Variants in B4GALT6 observed in about 807,000 individuals in gnomAD.
The protein encoded by B4GALT6 is UDP-Gal:beta-GlcNAc beta-1,4-galactosyltransferase 6.
B4GALT6 carries 14 observed loss-of-function variants against 46.3 expected under a neutral mutation model. The observed-to-expected ratio is 0.30, with a 90% confidence interval of 0.20 to 0.47. B4GALT6 has a LOEUF of 0.47. B4GALT6 is among the 20% of genes least tolerant of loss of function. The pLI, the probability that B4GALT6 is intolerant of heterozygous loss-of-function variation, is 0.99. For synonymous variants in B4GALT6, 168 were observed against 162.0 expected (o/e 1.04, Z -0.28); for missense variants, 386 against 480.1 (o/e 0.80, Z 1.83).
intron 6 of B4GALT6, 67 bp from the exon 7 acceptor site, chr18:31,627,188 T>C (rs959481962): frequency 2.6e-5 from 39 of 1,475,998 alleles, no homozygotes; most frequent in Non-Finnish European, 3.2e-5. Flanking sequence ...AATGAAGGTT[T>C]CAGCCTTTTA....
rs748607204 is a variant in B4GALT6 at position 31,626,376 on chromosome 18, T to C, written c.908A>G (p.Tyr303Cys). The C allele has an allele frequency of 1.9e-6, 3 of 1,558,990 alleles. No homozygotes were observed. Among genetic ancestry groups the C allele is most frequent in the Non-Finnish European group, 2.6e-6 (3 of 1,134,578 alleles). ...TGGTCTGGTTACATTATATCCAGCA[T>C]AGTGAACTCTACAATGCCATATATG... ...EDDDLWNRVH[Y>C]AGYNVTRPEG... Residue 303 changes from tyrosine (Y) to cysteine (C), a missense_variant, in exon 8 of 9, where the codon TAT becomes TGT. Transcript: ENST00000306851.
upstream of B4GALT6, among the ~76,000 whole-genome samples, chr18:31,684,938 C>T (rs1598941477): frequency 6.7e-6 from 1 of 148,818 alleles, no homozygotes. Context: ...GGCCCTGCGC[C>T]GCCTCCTACT....
At chr18:31,684,693 GC>G, upstream of B4GALT6, 1 of 821,954 alleles carries the variant, frequency 1.2e-6, no homozygotes, top group Non-Finnish European at 1.5e-6. Flanking sequence ...GGGGCTAGGG[GC>G]CCGGGGACGG....
chr18:31,684,630 G>A (rs2074521997), upstream of B4GALT6: 1 of 1,270,842 alleles, frequency 7.9e-7, no homozygotes, highest in Non-Finnish European at 1.0e-6. Context: ...AGAGTCGGGG[G>A]AGGGGAGGCG....
chr18:31,639,183 G>A (rs1287478152), intron 4 of B4GALT6, among the ~76,000 whole-genome samples: 3 of 152,230 alleles, frequency 2.0e-5, no homozygotes, highest in South Asian at 2.1e-4. Context: ...GAGGATAAAG[G>A]AGAAGAGAAG....
chr18:31,647,752 T>C (rs2074008977), intron 3 of B4GALT6, among the ~76,000 whole-genome samples: 1 of 151,712 alleles, frequency 6.6e-6, no homozygotes, highest in Non-Finnish European at 1.5e-5. Context: ...ATCCTGTACA[T>C]AGGAAGGGAA....
intron 4 of B4GALT6, among the ~76,000 whole-genome samples, chr18:31,641,182 G>A (rs1323443835): frequency 6.6e-6 from 1 of 152,208 alleles, no homozygotes; most frequent in African/African-American, 2.4e-5. Context: ...ACTGAGTGAT[G>A]AGCTGAACAT....
chr18:31,636,018 T>G lies in B4GALT6; in HGVS notation c.588+2626A>C, dbSNP rs866018548. On this transcript the variant is annotated intron_variant, in intron 5 of 8. Coordinates refer to ENST00000306851, the MANE Select transcript of B4GALT6 (RefSeq NM_004775.5). Reference sequence around the variant, plus strand: ...GAGACCAGAAAAAGACCTGCATACATATGACGTGTATATATTAAGTGATTT... The same window carrying G: ...GAGACCAGAAAAAGACCTGCATACAGATGACGTGTATATATTAAGTGATTT... Among the ~76,000 whole-genome samples, 6 of 152,278 alleles carry G rather than the reference T, an allele frequency of 3.9e-5. No individual in the cohort carries two copies. In the South Asian group the frequency reaches 1.2e-3, roughly 32 times the overall value.
the B4GALT6 span, among the ~76,000 whole-genome samples, chr18:31,722,478 G>A: frequency 9.9e-5 from 15 of 152,166 alleles, no homozygotes; most frequent in Admixed American, 4.6e-4. Flanking sequence ...ATAAGGAAAG[G>A]ATGCAGAATC....
At chr18:31,672,751 A>G (rs899067222) in intron 1 of B4GALT6, among the ~76,000 whole-genome samples, 1 of 152,212 alleles carries the variant, frequency 6.6e-6, no homozygotes, top group Middle Eastern at 3.2e-3. Context: ...TGAAGCATGG[A>G]GTTGCATAAC....
chr18:31,670,433 A>AT (rs2074337709), intron 1 of B4GALT6, among the ~76,000 whole-genome samples: 1 of 151,762 alleles, frequency 6.6e-6, no homozygotes, highest in Non-Finnish European at 1.5e-5. Context: ...CATTAGATGA[A>AT]GACCAAAATT....
intron 1 of B4GALT6, among the ~76,000 whole-genome samples, chr18:31,682,773 AC>A (rs1366778726): frequency 2.0e-5 from 3 of 152,228 alleles, no homozygotes; most frequent in East Asian, 1.9e-4. Context: ...TAGTAAAAAA[AC>A]ATACCCCAAA....
In B4GALT6 at chr18:31,623,868, T is replaced by C. The variant is rs1053850991; in HGVS notation, c.*1746A>G. 4 of 151,984 alleles carry C rather than the reference T, an allele frequency of 2.6e-5. No individual in the cohort carries two copies. Among genetic ancestry groups the C allele is most frequent in the Non-Finnish European group, 2.9e-5 (2 of 67,842 alleles). The allele number at this position is 151,984 out of a possible 1,614,324, so 9.4% of individuals were successfully genotyped here. A position where few individuals can be genotyped will look rare whatever the true frequency, so the allele number is the denominator to read the frequency against. On this transcript the variant is annotated 3_prime_UTR_variant, in exon 9 of 9. Coordinates refer to ENST00000306851, the MANE Select transcript of B4GALT6 (RefSeq NM_004775.5). Reference sequence around the variant, plus strand: ...AATAAAACTTACAATCTGAGATAAATAACCATAGTTCTGTTTTAGGTAAAC... The same window carrying C: ...AATAAAACTTACAATCTGAGATAAACAACCATAGTTCTGTTTTAGGTAAAC...
Position 31,653,894 on chromosome 18 carries a change from G to A in B4GALT6, c.346+4082C>T, listed in dbSNP as rs754315897. ...CACAGCGGCTGTTCATCAATGACTT[G>A]TTGACTCTAAAATGGCTCCCATCTC... On this transcript the variant is annotated intron_variant, in intron 3 of 8. Coordinates refer to ENST00000306851, the MANE Select transcript of B4GALT6 (RefSeq NM_004775.5). Among the ~76,000 whole-genome samples, 3 of 151,732 alleles carry A rather than the reference G, an allele frequency of 2.0e-5. No homozygotes were observed. In the East Asian group the frequency reaches 5.8e-4, roughly 29 times the overall value.
At chr18:31,663,098 G>A (rs1490991414) in intron 2 of B4GALT6, among the ~76,000 whole-genome samples, 2 of 152,094 alleles carry the variant, frequency 1.3e-5, no homozygotes, top group African/African-American at 4.8e-5. Context: ...CCAAAGAAAA[G>A]GCAAACAAAG....
chr18:31,678,156 T>G (rs2074436519), intron 1 of B4GALT6, among the ~76,000 whole-genome samples: 1 of 152,136 alleles, frequency 6.6e-6, no homozygotes, highest in Non-Finnish European at 1.5e-5. Flanking sequence ...TGAGTAACAG[T>G]GTTTAAGGGA....
intron 4 of B4GALT6, among the ~76,000 whole-genome samples, chr18:31,641,058 T>C (rs759785493): frequency 1.3e-5 from 2 of 152,226 alleles, no homozygotes; most frequent in Non-Finnish European, 2.9e-5. Flanking sequence ...TATGACATAA[T>C]GTCAATGAGC....
intron 6 of B4GALT6, among the ~76,000 whole-genome samples, chr18:31,629,468 T>A (rs1447981396): frequency 7.3e-6 from 1 of 136,820 alleles, no homozygotes; most frequent in African/African-American, 2.7e-5. Context: ...TTTTTTTTTT[T>A]TTTTTTTTTT....
At chr18:31,710,954 G>A in the B4GALT6 span, among the ~76,000 whole-genome samples, 1 of 151,760 alleles carries the variant, frequency 6.6e-6, no homozygotes, top group Non-Finnish European at 1.5e-5. Flanking sequence ...AAATTTCCAC[G>A]CATACTTCCT....
Sources: gnomAD v4.1 joint callset for allele counts (sites outside exome capture counted in the v4.1 genomes callset) on GRCh38, gnomAD v4.1.1 for gene constraint, MANE v1.5 for transcripts, NCBI Gene and HGNC (gene_info 2026-07-23, HGNC 2026-07-21) for gene names.